The following ANKRD30B variants were observed in gnomAD, a reference collection of about 807,000 sequenced individuals.
ANKRD30B encodes ankyrin repeat domain-containing protein 30B.
In ANKRD30B, 144 loss-of-function variants were observed where a neutral mutation model predicts 202.2. The observed-to-expected ratio is 0.71, with a 90% CI of 0.62 to 0.82. ANKRD30B has a LOEUF of 0.82. Among genes scored for constraint, ANKRD30B ranks in the 40% least tolerant of loss-of-function variants. ANKRD30B has a pLI of 0.00. For synonymous variants in ANKRD30B, 508 were observed against 561.3 expected, an observed-to-expected ratio of 0.91 and a Z score of 1.34; for missense variants, 1,487 against 1,669.1, an observed-to-expected ratio of 0.89 and a Z score of 1.90.
the ANKRD30B span, among the ~76,000 whole-genome samples, chr18:14,860,681 C>T: frequency 6.6e-6 from 1 of 151,402 alleles, no homozygotes; most frequent in Non-Finnish European, 1.5e-5. Flanking sequence ...CGTTAGTCTT[C>T]TTAAAGAAAA....
chr18:14,809,952 A>C (rs755529799), intron 26 of ANKRD30B, 34 bp from the exon 27 acceptor site: 4 of 1,397,742 alleles, frequency 2.9e-6, no homozygotes, highest in African/African-American at 2.9e-5. Flanking sequence ...TCAGGCTTGC[A>C]TATAATCAAT....
At chr18:14,817,185 A>G (rs1436041540) in intron 30 of ANKRD30B, 4 of 152,234 alleles carry the variant, frequency 2.6e-5, no homozygotes, top group African/African-American at 7.2e-5. Flanking sequence ...AGATGTCAAC[A>G]AGGTTTTGTT....
the ANKRD30B span, among the ~76,000 whole-genome samples, chr18:14,923,070 G>A: frequency 1.3e-5 from 2 of 152,160 alleles, no homozygotes; most frequent in African/African-American, 4.8e-5. Context: ...ATCACCTGCC[G>A]AATAAAGAGT....
At position 14,852,117 on chromosome 18, in the gene ANKRD30B, G is replaced by C; in HGVS notation, c.4173G>C (p.Gln1391His). 6.9e-6 allele frequency: 11 copies of C among 1,605,034 alleles called. No homozygotes were observed. The highest frequency in any genetic ancestry group is 9.4e-6 in the Non-Finnish European group (11 of 1,175,160). Reference sequence around the variant, plus strand: ...CACAAAGAGACCGATGTGAAACACAGTGTCAAATGAAGAAAGCTGAACACA... The same window carrying C: ...CACAAAGAGACCGATGTGAAACACACTGTCAAATGAAGAAAGCTGAACACA... ...EHAQRDRCET[Q>H]CQMKKAEHMY... is the part of the protein sequence containing the mutation. Residue 1391 changes from glutamine to histidine, a missense_variant, in exon 42 of 44, where the codon CAG becomes CAC. Transcript: ENST00000690538.
the ANKRD30B span, among the ~76,000 whole-genome samples, chr18:14,919,935 T>G: frequency 6.6e-6 from 1 of 152,182 alleles, no homozygotes; most frequent in Non-Finnish European, 1.5e-5. Context: ...GTGCTGGTAG[T>G]GGCTCTGGGG....
the ANKRD30B span, among the ~76,000 whole-genome samples, chr18:14,860,430 G>C: frequency 8.5e-6 from 1 of 117,140 alleles, no homozygotes; most frequent in East Asian, 2.6e-4. Flanking sequence ...TGGGGCAGCC[G>C]GGAAGAGGCA....
intron 26 of ANKRD30B, among the ~76,000 whole-genome samples, chr18:14,808,964 T>G: frequency 6.6e-6 from 1 of 150,868 alleles, no homozygotes; most frequent in East Asian, 1.9e-4. Context: ...TGGATATCTG[T>G]CCAGCAGCCT....
the ANKRD30B span, among the ~76,000 whole-genome samples, chr18:14,874,152 C>G: frequency 2.6e-5 from 4 of 152,298 alleles, no homozygotes; most frequent in South Asian, 6.2e-4. Context: ...AAGAGCCTGG[C>G]ACAGAGTAAG....
intron 37 of ANKRD30B, 33 bp from the exon 38 acceptor site, chr18:14,842,864 T>C (rs1339692189): frequency 2.6e-6 from 4 of 1,547,620 alleles, no homozygotes; most frequent in African/African-American, 1.4e-5. Flanking sequence ...CATATTTACT[T>C]ATGACTGATA....
the ANKRD30B span, among the ~76,000 whole-genome samples, chr18:14,873,392 G>A: frequency 2.0e-5 from 3 of 151,958 alleles, no homozygotes; most frequent in South Asian, 6.2e-4. Flanking sequence ...GGGCCTGGTG[G>A]CAGGCACCTG....
the ANKRD30B span, among the ~76,000 whole-genome samples, chr18:14,914,140 A>C: frequency 6.6e-6 from 1 of 152,230 alleles, no homozygotes; most frequent in East Asian, 1.9e-4. Flanking sequence ...ATATTTTAGC[A>C]TAAAAACAGG....
chr18:14,909,074 C>G, the ANKRD30B span, among the ~76,000 whole-genome samples: 1 of 152,158 alleles, frequency 6.6e-6, no homozygotes, highest in Non-Finnish European at 1.5e-5. Context: ...ACTTGACTGA[C>G]AAAGTCTGCA....
chr18:14,897,754 C>T, the ANKRD30B span, among the ~76,000 whole-genome samples: 4 of 152,152 alleles, frequency 2.6e-5, no homozygotes, highest in African/African-American at 9.7e-5. Context: ...TAAAATGTCC[C>T]TGCCCTTAAC....
the ANKRD30B span, chr18:14,905,564 A>G: frequency 6.6e-6 from 1 of 152,222 alleles, no homozygotes; most frequent in Non-Finnish European, 1.5e-5. Context: ...GCCTCTAGGT[A>G]GTATTCTTCA....
At chr18:14,766,509 A>AAAAG (rs1916243657) in intron 7 of ANKRD30B, among the ~76,000 whole-genome samples, 1 of 150,266 alleles carries the variant, frequency 6.7e-6, no homozygotes, top group Non-Finnish European at 1.5e-5. Flanking sequence ...AAAAGAAAAG[A>AAAAG]AAAGAAAAGA....
the ANKRD30B span, among the ~76,000 whole-genome samples, chr18:14,866,698 G>T: frequency 6.6e-6 from 1 of 152,126 alleles, no homozygotes; most frequent in African/African-American, 2.4e-5. Flanking sequence ...GGGTGGGTTG[G>T]GTGTGCTTTT....
At chr18:14,890,774 G>A in the ANKRD30B span, among the ~76,000 whole-genome samples, 3 of 147,252 alleles carry the variant, frequency 2.0e-5, no homozygotes, top group Non-Finnish European at 4.5e-5. Flanking sequence ...AAAAGAGATT[G>A]TTTTAAACTG....
chr18:14,766,716 A>G (rs578132804), intron 7 of ANKRD30B, among the ~76,000 whole-genome samples: 2 of 152,292 alleles, frequency 1.3e-5, no homozygotes, highest in Admixed American at 6.5e-5. Context: ...AGGCAAAGCC[A>G]TAGATCTCAA....
Position 14,807,697 on chromosome 18 carries a change from G to A in ANKRD30B, c.2285-854G>A, listed in dbSNP as rs1046137834. ...CAGGCATGTGCCACCATACCTGGAT[G>A]ATTTTTGTATTTTTTGTGGAGACAG... On this transcript the variant is annotated intron_variant, in intron 24 of 43. Coordinates refer to ENST00000690538, the MANE Select transcript of ANKRD30B (RefSeq NM_001367607.2). 3.3e-5 allele frequency among the ~76,000 whole-genome samples: 5 copies of A among 149,640 alleles called. No individual in the cohort carries two copies. In the South Asian group the frequency reaches 6.5e-4, roughly 19 times the overall value.
Sources: allele counts gnomAD v4.1 joint callset (sites outside exome capture counted in the v4.1 genomes callset), GRCh38; gene constraint gnomAD v4.1.1; transcripts MANE v1.5; gene names NCBI Gene and HGNC (gene_info 2026-07-23, HGNC 2026-07-21).